The following DGLUCY variants were observed in gnomAD, a reference collection of about 807,000 sequenced individuals.
DGLUCY encodes D-glutamate cyclase, mitochondrial.
In DGLUCY, 58 loss-of-function variants were observed where a neutral mutation model predicts 58.5. That is an observed-to-expected ratio of 0.99 (90% CI 0.80 to 1.23). DGLUCY has a LOEUF of 1.23. DGLUCY is among the 50% of genes most tolerant of loss of function. The pLI, the probability that DGLUCY is intolerant of heterozygous loss-of-function variation, is 0.00. For missense variants in DGLUCY, 779 were observed against 784.7 expected, an observed-to-expected ratio of 0.99 and a Z score of 0.09; for synonymous variants, 325 against 314.1, an observed-to-expected ratio of 1.03 and a Z score of -0.37.
chr14:91,123,958 C>G (rs1043293277), intron 1 of DGLUCY, among the ~76,000 whole-genome samples: 5 of 144,184 alleles, frequency 3.5e-5, no homozygotes, highest in Non-Finnish European at 7.5e-5. Flanking sequence ...GATGGAGTCT[C>G]ACTCTGTCAC....
At chr14:91,156,316 G>A (rs535596798) in intron 1 of DGLUCY, among the ~76,000 whole-genome samples, 75 of 152,196 alleles carry the variant, frequency 4.9e-4, no homozygotes, top group Non-Finnish European at 9.3e-4. Context: ...GTTTTGTCAT[G>A]TTGCCTAGGC....
At chr14:91,211,543 A>G (rs1323329289) in intron 12 of DGLUCY, among the ~76,000 whole-genome samples, 3 of 152,230 alleles carry the variant, frequency 2.0e-5, no homozygotes, top group African/African-American at 4.8e-5. Context: ...GGGCCACACA[A>G]TGTTTGACAA....
At chr14:91,143,717 A>G (rs1595748210) in intron 1 of DGLUCY, among the ~76,000 whole-genome samples, 1 of 152,178 alleles carries the variant, frequency 6.6e-6, no homozygotes, top group Admixed American at 6.6e-5. Context: ...GGGCCCAGCC[A>G]CTGGTCAGTG....
intron 12 of DGLUCY, among the ~76,000 whole-genome samples, chr14:91,213,704 T>TTGTTTGTG (rs1235801311): frequency 2.6e-5 from 4 of 151,790 alleles, no homozygotes; most frequent in Non-Finnish European, 4.4e-5. Flanking sequence ...GTTTGTTTGT[T>TTGTTTGTG]TGTTTGTTTG....
intron 1 of DGLUCY, among the ~76,000 whole-genome samples, chr14:91,153,313 A>G (rs961904019): frequency 1.3e-5 from 2 of 151,968 alleles, no homozygotes; most frequent in Admixed American, 1.3e-4. Flanking sequence ...CTCCCCAGTA[A>G]CTGGGATTAT....
At chr14:91,118,447 G>A (rs1288506413) in intron 1 of DGLUCY, among the ~76,000 whole-genome samples, 1 of 146,310 alleles carries the variant, frequency 6.8e-6, no homozygotes, top group East Asian at 2.0e-4. Context: ...GACTTGGAAG[G>A]GGAAAGAGCT....
intron 1 of DGLUCY, among the ~76,000 whole-genome samples, chr14:91,068,117 C>A (rs986552746): frequency 5.6e-5 from 6 of 107,172 alleles, no homozygotes; most frequent in South Asian, 6.2e-4. Flanking sequence ...ACACACACAC[C>A]CCTTGCATTC....
intron 1 of DGLUCY, among the ~76,000 whole-genome samples, chr14:91,133,563 A>AT (rs1425529891): frequency 6.6e-6 from 1 of 151,936 alleles, no homozygotes; most frequent in Non-Finnish European, 1.5e-5. Flanking sequence ...AATTATATAT[A>AT]TTTTTTCTAG....
At chr14:91,202,816 G>A (rs1183912049) in intron 11 of DGLUCY, among the ~76,000 whole-genome samples, 1 of 152,120 alleles carries the variant, frequency 6.6e-6, no homozygotes, top group East Asian at 1.9e-4. Flanking sequence ...TCATGGCTTC[G>A]AACCGCCCCC....
At chr14:91,131,421 A>G (rs2046017803) in intron 1 of DGLUCY, among the ~76,000 whole-genome samples, 1 of 150,838 alleles carries the variant, frequency 6.6e-6, no homozygotes, top group Non-Finnish European at 1.5e-5. Context: ...ATTTTATTCC[A>G]TTTACATTCA....
At chr14:91,150,876 G>A (rs1419588138) in intron 1 of DGLUCY, among the ~76,000 whole-genome samples, 1 of 151,902 alleles carries the variant, frequency 6.6e-6, no homozygotes, top group Non-Finnish European at 1.5e-5. Flanking sequence ...TCACATTGTT[G>A]TGCAACCATC....
At chr14:91,203,594 C>T (rs184068388) in intron 11 of DGLUCY, among the ~76,000 whole-genome samples, 1,641 of 152,182 alleles carry the variant, frequency 0.011, 20 homozygotes, top group Admixed American at 0.023. Context: ...CTATAAATAC[C>T]TGGACACAGG....
intron 1 of DGLUCY, among the ~76,000 whole-genome samples, chr14:91,131,015 A>G (rs897797098): frequency 4.6e-5 from 7 of 151,716 alleles, no homozygotes; most frequent in African/African-American, 1.7e-4. Context: ...GGGCAAGAAC[A>G]TGACTTACTG....
rs144273261 is a variant in DGLUCY, at chr14:91,207,348, A to G, written c.1564+2523A>G. On this transcript the variant is annotated intron_variant, in intron 12 of 13. Coordinates refer to ENST00000256324, the MANE Select transcript of DGLUCY (RefSeq NM_001102368.3). ...AAGAGAAAAAGTGCTGGGGGAAAAA[A>G]AAACCCACAACAGATCAGAATATCT... 2.9e-4 allele frequency among the ~76,000 whole-genome samples: 44 copies of G among 152,280 alleles called. 1 individual carries two copies. Among genetic ancestry groups the G allele is most frequent in the African/African-American group, 9.6e-4 (40 of 41,570 alleles).
intron 1 of DGLUCY, among the ~76,000 whole-genome samples, chr14:91,120,458 G>A (rs1442437844): frequency 6.6e-6 from 1 of 152,120 alleles, no homozygotes; most frequent in Non-Finnish European, 1.5e-5. Context: ...AGGCTGCAGT[G>A]CAATCACGCT....
intron 1 of DGLUCY, among the ~76,000 whole-genome samples, chr14:91,143,071 A>G (rs2046812718): frequency 7.0e-6 from 1 of 142,898 alleles, no homozygotes; most frequent in South Asian, 2.3e-4. Context: ...CAGTTTTGGC[A>G]GTTCTTTTTT....
chr14:91,164,108 CCTGGCT>C (rs1280787150), intron 3 of DGLUCY, among the ~76,000 whole-genome samples: 11 of 152,046 alleles, frequency 7.2e-5, no homozygotes, highest in African/African-American at 2.7e-4. Flanking sequence ...TGCCACCATG[CCTGGCT>C]AATTTTTGTA....
chr14:91,111,329 G>A (rs1423091700), upstream of DGLUCY, among the ~76,000 whole-genome samples: 2 of 149,882 alleles, frequency 1.3e-5, no homozygotes, highest in Non-Finnish European at 3.0e-5. Context: ...TGGCCAGGCT[G>A]GAGTGCAGTG....
At chr14:91,082,054 A>G (rs1439676192) in intron 1 of DGLUCY, among the ~76,000 whole-genome samples, 2 of 152,160 alleles carry the variant, frequency 1.3e-5, no homozygotes, top group African/African-American at 2.4e-5. Flanking sequence ...TTCATCACGT[A>G]AAGTAACATA....
Sources: allele counts gnomAD v4.1 joint callset (sites outside exome capture counted in the v4.1 genomes callset), GRCh38; gene constraint gnomAD v4.1.1; transcripts MANE v1.5; gene names NCBI Gene and HGNC (gene_info 2026-07-23, HGNC 2026-07-21).